Variants in DAP observed in about 807,000 individuals in gnomAD.
DAP encodes the protein death-associated protein 1.
DAP carries 8 observed loss-of-function variants against 13.8 expected under a neutral mutation model. That is an observed-to-expected ratio of 0.58 (90% CI 0.34 to 1.05). The LOEUF (loss-of-function observed/expected upper bound fraction) is 1.05. Among genes scored for constraint, DAP ranks in the 50% least tolerant of loss-of-function variants. The pLI is 0.03. For synonymous variants in DAP, 47 were observed against 47.5 expected, an observed-to-expected ratio of 0.99 and a Z score of 0.04; for missense variants, 106 against 133.2, an observed-to-expected ratio of 0.80 and a Z score of 1.01.
In DAP at chr5:10,758,600, C is replaced by T. The variant is rs77584474; in HGVS notation, c.55+2414G>A. On this transcript the variant is annotated intron_variant, in intron 1 of 3. Transcript: ENST00000230895. The stretch of plus-strand genomic sequence containing the variant: ...CCTGGGGGATGAACAGTGCTGGTAC[C>T]CTGATGCTGAAGCGGGACGTGAGAC... Among the ~76,000 whole-genome samples the T allele has an allele frequency of 3.5e-3, 540 of 152,234 alleles. 3 individuals carry two copies. Among genetic ancestry groups the T allele is most frequent in the African/African-American group, 0.012 (491 of 41,518 alleles).
chr5:10,735,172 T>TTA (rs1554002177), intron 2 of DAP, among the ~76,000 whole-genome samples: 7 of 151,826 alleles, frequency 4.6e-5, no homozygotes, highest in Non-Finnish European at 1.0e-4. Flanking sequence ...ACAAGTAGCT[T>TTA]AAAAAAAATT....
At chr5:10,687,912 T>TC (rs1374402345) in intron 2 of DAP, among the ~76,000 whole-genome samples, 1 of 143,716 alleles carries the variant, frequency 7.0e-6, no homozygotes. Flanking sequence ...TGTCTTTTTT[T>TC]TTTTTTTTTT....
rs543562445 is a variant in DAP, at chr5:10,700,197, G to C, written c.153-16626C>G. ...GTGTAGTGTATAATCCTCACTTTGAGGCGCTATGTACACGTAGACATCTAC... is the reference window on the plus strand; with the variant it reads ...GTGTAGTGTATAATCCTCACTTTGACGCGCTATGTACACGTAGACATCTAC... On this transcript the variant is annotated intron_variant, in intron 2 of 3. Coordinates refer to ENST00000230895, the MANE Select transcript of DAP (RefSeq NM_004394.3). Among the ~76,000 whole-genome samples, 14 of 152,316 alleles carry C rather than the reference G, an allele frequency of 9.2e-5. No individual in the cohort carries two copies. In the South Asian group the frequency reaches 2.9e-3, roughly 32 times the overall value.
At chr5:10,731,499 C>T (rs953741678) in intron 2 of DAP, among the ~76,000 whole-genome samples, 1 of 152,202 alleles carries the variant, frequency 6.6e-6, no homozygotes, top group African/African-American at 2.4e-5. Context: ...ACATCTGGCT[C>T]AGCAGTGCTC....
chr5:10,721,529 T>A (rs1739141079), intron 2 of DAP, among the ~76,000 whole-genome samples: 1 of 152,142 alleles, frequency 6.6e-6, no homozygotes, highest in African/African-American at 2.4e-5. Context: ...ACAACAGAGA[T>A]AAGGAAGAGT....
chr5:10,759,866 TGCCTCG>T (rs1305374417), intron 1 of DAP, among the ~76,000 whole-genome samples: 1 of 148,134 alleles, frequency 6.8e-6, no homozygotes, highest in Non-Finnish European at 1.5e-5. Flanking sequence ...GCCATTCTCC[TGCCTCG>T]GCCTCCTGAA....
At chr5:10,723,206 A>G (rs1739203787) in intron 2 of DAP, among the ~76,000 whole-genome samples, 1 of 152,380 alleles carries the variant, frequency 6.6e-6, no homozygotes, top group South Asian at 2.1e-4. Context: ...TTACAATAAC[A>G]AACTCACACT....
chr5:10,685,414 T>C (rs1488590608), intron 2 of DAP, among the ~76,000 whole-genome samples: 1 of 152,228 alleles, frequency 6.6e-6, no homozygotes, highest in Non-Finnish European at 1.5e-5. Flanking sequence ...CCTGCTGTGA[T>C]GGCTGATACC....
chr5:10,724,964 C>G (rs866985376), intron 2 of DAP, among the ~76,000 whole-genome samples: 3 of 152,154 alleles, frequency 2.0e-5, no homozygotes, highest in Non-Finnish European at 2.9e-5. Context: ...TGAGCTTCTT[C>G]CTCCCCCCTC....
In DAP at chr5:10,722,569, C is replaced by T. The variant is rs553095170; in HGVS notation, c.152+25606G>A. ...ATATACATATACATGCATATATATACATACATACATATATATACATATATA... is the reference window on the plus strand; with the variant it reads ...ATATACATATACATGCATATATATATATACATACATATATATACATATATA... On this transcript the variant is annotated intron_variant, in intron 2 of 3. Coordinates refer to ENST00000230895, the MANE Select transcript of DAP (RefSeq NM_004394.3). Among the ~76,000 whole-genome samples, 12 of 145,558 alleles carry T rather than the reference C, an allele frequency of 8.2e-5. No individual in the cohort carries two copies. In the East Asian group the frequency reaches 1.6e-3, roughly 19 times the overall value.
At chr5:10,688,975 T>G (rs2126637252) in intron 2 of DAP, among the ~76,000 whole-genome samples, 1 of 152,258 alleles carries the variant, frequency 6.6e-6, no homozygotes, top group Admixed American at 6.5e-5. Flanking sequence ...CTGTGTGCAC[T>G]GAGGACGGGA....
In DAP at chr5:10,739,787, T is replaced by A. The variant is rs547726220; in HGVS notation, c.152+8388A>T. Among the ~76,000 whole-genome samples, 431 of 148,602 alleles carry A rather than the reference T, an allele frequency of 2.9e-3. 1 individual carries two copies. The highest frequency in any genetic ancestry group is 9.6e-3 in the African/African-American group (388 of 40,432). On this transcript the variant is annotated intron_variant, in intron 2 of 3. Coordinates refer to ENST00000230895, the MANE Select transcript of DAP (RefSeq NM_004394.3). The stretch of plus-strand genomic sequence containing the variant: ...GTTCAACTATAAATACTAAATTAAC[T>A]CACACACACACACACACACACACAC...
intron 2 of DAP, among the ~76,000 whole-genome samples, chr5:10,726,984 C>G (rs951390283): frequency 6.6e-6 from 1 of 152,202 alleles, no homozygotes; most frequent in African/African-American, 2.4e-5. Context: ...TGCTGGTGAC[C>G]TTCCCTCTCC....
intron 2 of DAP, chr5:10,733,643 T>C (rs1264416263): frequency 6.6e-6 from 1 of 152,166 alleles, no homozygotes; most frequent in African/African-American, 2.4e-5. Flanking sequence ...GGATATGCAC[T>C]ATAAAAAATC....
At chr5:10,740,055 CTG>C (rs1739718573) in intron 2 of DAP, among the ~76,000 whole-genome samples, 3 of 152,202 alleles carry the variant, frequency 2.0e-5, no homozygotes, top group South Asian at 4.1e-4. Flanking sequence ...TTTAAAATAA[CTG>C]TGATAAATAT....
At chr5:10,715,849 T>C (rs775227934) in intron 2 of DAP, among the ~76,000 whole-genome samples, 2 of 152,230 alleles carry the variant, frequency 1.3e-5, no homozygotes, top group African/African-American at 2.4e-5. Context: ...TTTATTGCTT[T>C]CTTTGCATGT....
Position 10,680,742 on chromosome 5 carries a change from C to T in DAP, c.*314G>A. ...GCCTTCTTGTTTTTAAGACCATAGA[C>T]AAGGACGTCAGGTGACTGCTGAAAT... On this transcript the variant is annotated 3_prime_UTR_variant, in exon 4 of 4. Transcript: ENST00000230895. The T allele has an allele frequency of 1.3e-6, 2 of 1,536,388 alleles. No individual in the cohort carries two copies. The highest frequency in any genetic ancestry group is 1.7e-6 in the Non-Finnish European group (2 of 1,146,926).
At chr5:10,697,077 G>A (rs990504428) in intron 2 of DAP, among the ~76,000 whole-genome samples, 7 of 152,220 alleles carry the variant, frequency 4.6e-5, no homozygotes, top group Admixed American at 1.3e-4. Flanking sequence ...TTAACTACAT[G>A]GCAATGTGGA....
At chr5:10,696,863 C>T (rs1738450172) in intron 2 of DAP, among the ~76,000 whole-genome samples, 1 of 152,140 alleles carries the variant, frequency 6.6e-6, no homozygotes, top group Non-Finnish European at 1.5e-5. Context: ...CAGGGCATTA[C>T]TATGAGAAAA....
Sources: allele counts gnomAD v4.1 joint callset (sites outside exome capture counted in the v4.1 genomes callset), GRCh38; gene constraint gnomAD v4.1.1; transcripts MANE v1.5; gene names NCBI Gene and HGNC (gene_info 2026-07-23, HGNC 2026-07-21).